The following ZNF366 variants were observed in gnomAD, a reference collection of about 807,000 sequenced individuals.
The protein encoded by ZNF366 is zinc finger protein 366.
ZNF366 carries 20 observed loss-of-function variants against 47.2 expected under a neutral mutation model. That is an observed-to-expected ratio of 0.42 (90% CI 0.30 to 0.62). The LOEUF (loss-of-function observed/expected upper bound fraction) is 0.62, where lower values mean the gene tolerates loss of function less well. Ranked by LOEUF, ZNF366 falls within the 20% of genes least tolerant of loss-of-function variation. The pLI, the probability that ZNF366 is intolerant of heterozygous loss-of-function variation, is 0.16. For missense variants in ZNF366, 987 were observed against 976.3 expected, an observed-to-expected ratio of 1.01 and a Z score of -0.15; for synonymous variants, 421 against 395.1, an observed-to-expected ratio of 1.07 and a Z score of -0.78.
chr5:72,485,993 G>A (rs1477321758), intron 1 of ZNF366, among the ~76,000 whole-genome samples: 2 of 152,104 alleles, frequency 1.3e-5, no homozygotes, highest in Non-Finnish European at 2.9e-5. Context: ...CTGAAGTGAG[G>A]CCACCCGAAC....
intron 1 of ZNF366, among the ~76,000 whole-genome samples, chr5:72,473,735 G>A (rs1336309186): frequency 6.6e-6 from 1 of 152,122 alleles, no homozygotes; most frequent in Non-Finnish European, 1.5e-5. Flanking sequence ...TGATCCCCGG[G>A]TTAAATGTAT....
At chr5:72,497,847 T>C (rs1744143121) in intron 1 of ZNF366, among the ~76,000 whole-genome samples, 1 of 152,216 alleles carries the variant, frequency 6.6e-6, no homozygotes, top group African/African-American at 2.4e-5. Flanking sequence ...CTGCTTCTTA[T>C]TATGAATTAA....
chr5:72,491,285 C>G (rs144419071), intron 1 of ZNF366, among the ~76,000 whole-genome samples: 1 of 152,190 alleles, frequency 6.6e-6, no homozygotes, highest in African/African-American at 2.4e-5. Context: ...ACCTGGCACA[C>G]AGTTTTGTCC....
At chr5:72,505,810 G>A (rs908833466) in intron 1 of ZNF366, among the ~76,000 whole-genome samples, 17 of 152,230 alleles carry the variant, frequency 1.1e-4, no homozygotes, top group African/African-American at 7.2e-5. Flanking sequence ...TGGAAATGGA[G>A]TAGTTAGGGG....
At chr5:72,482,347 T>G (rs934843361) in intron 1 of ZNF366, among the ~76,000 whole-genome samples, 1 of 152,082 alleles carries the variant, frequency 6.6e-6, no homozygotes, top group Non-Finnish European at 1.5e-5. Flanking sequence ...AAGGGGAAGT[T>G]TAGTAAGAAG....
intron 1 of ZNF366, among the ~76,000 whole-genome samples, chr5:72,484,832 C>T (rs1261915945): frequency 6.6e-6 from 1 of 152,190 alleles, no homozygotes; most frequent in Admixed American, 6.5e-5. Context: ...CTGATGTCCC[C>T]AAATGCACAC....
At chr5:72,492,989 A>C (rs930356605) in intron 1 of ZNF366, among the ~76,000 whole-genome samples, 1 of 152,256 alleles carries the variant, frequency 6.6e-6, no homozygotes, top group African/African-American at 2.4e-5. Context: ...GAAAATATAG[A>C]AACATCATCA....
At chr5:72,490,669 C>T (rs933211586) in intron 1 of ZNF366, among the ~76,000 whole-genome samples, 2 of 152,162 alleles carry the variant, frequency 1.3e-5, no homozygotes, top group Admixed American at 6.5e-5. Flanking sequence ...GTCTATTTTT[C>T]GTCATGCCAG....
chr5:72,500,012 A>C (rs931382645), intron 1 of ZNF366, among the ~76,000 whole-genome samples: 1 of 152,144 alleles, frequency 6.6e-6, no homozygotes, highest in Non-Finnish European at 1.5e-5. Context: ...GAGAACGGTG[A>C]GTCCCCAGTG....
chr5:72,489,247 C>A (rs150495270), intron 1 of ZNF366, among the ~76,000 whole-genome samples: 1 of 152,176 alleles, frequency 6.6e-6, no homozygotes, highest in East Asian at 1.9e-4. Flanking sequence ...AAATAGTCCA[C>A]AATTTCATAT....
chr5:72,444,573 A>C (rs1742924031), intron 4 of ZNF366, among the ~76,000 whole-genome samples: 1 of 152,084 alleles, frequency 6.6e-6, no homozygotes, highest in Non-Finnish European at 1.5e-5. Context: ...ATAGGCAGGC[A>C]GGTGCACAAA....
At chr5:72,450,845 A>C (rs2112318888) in intron 3 of ZNF366, among the ~76,000 whole-genome samples, 1 of 152,282 alleles carries the variant, frequency 6.6e-6, no homozygotes, top group South Asian at 2.1e-4. Context: ...CAAGAGAGAA[A>C]CCTCTCACAC....
intron 1 of ZNF366, among the ~76,000 whole-genome samples, chr5:72,466,192 G>A (rs1345335397): frequency 1.3e-5 from 2 of 151,976 alleles, no homozygotes; most frequent in Admixed American, 6.5e-5. Flanking sequence ...GGTGAACCAC[G>A]CTCAAAAAGG....
At chr5:72,504,265 A>G (rs1454401747) in intron 1 of ZNF366, among the ~76,000 whole-genome samples, 1 of 152,004 alleles carries the variant, frequency 6.6e-6, no homozygotes, top group Non-Finnish European at 1.5e-5. Flanking sequence ...TCTTTAGCTG[A>G]GTCATGGTAC....
intron 1 of ZNF366, among the ~76,000 whole-genome samples, chr5:72,469,664 A>C (rs996517101): frequency 6.6e-6 from 1 of 152,224 alleles, no homozygotes; most frequent in Non-Finnish European, 1.5e-5. Context: ...GGGATGATGC[A>C]TTAAGTTATC....
intron 3 of ZNF366, among the ~76,000 whole-genome samples, chr5:72,455,801 G>A (rs1179390255): frequency 6.6e-6 from 1 of 152,220 alleles, no homozygotes; most frequent in South Asian, 2.1e-4. Context: ...GGCACTTGAA[G>A]TGACTGTGCT....
chr5:72,470,772 C>T (rs901447223), intron 1 of ZNF366, among the ~76,000 whole-genome samples: 5 of 152,164 alleles, frequency 3.3e-5, no homozygotes, highest in African/African-American at 9.7e-5. Context: ...GCCAACCTCG[C>T]GTAAATTAAC....
chr5:72,443,905 TG>T lies in ZNF366; in HGVS notation c.2085del (p.Arg696GlufsTer32). ...GCCCTGAGACTGAGACACTCATCTC[TG>T]CCGGCACAGTCTCTCTCCTGGCCGC... Reference protein sequence around the residue: ...AEGGQERDCAGRDECLSLRAF... With the variant: ...AEGGQERDCAXRDECLSLRAF... On this transcript the variant is annotated frameshift_variant, in exon 5 of 5. Transcript: ENST00000318442. LOFTEE classifies it high-confidence loss of function. 1 of 1,614,230 alleles carries T rather than the reference TG, an allele frequency of 6.2e-7. No homozygotes were observed. Among genetic ancestry groups the T allele is most frequent in the Non-Finnish European group, 8.5e-7 (1 of 1,180,040 alleles).
intron 1 of ZNF366, among the ~76,000 whole-genome samples, chr5:72,490,308 C>G (rs765457537): frequency 6.6e-6 from 1 of 152,080 alleles, no homozygotes; most frequent in Non-Finnish European, 1.5e-5. Context: ...TAGAAAACCA[C>G]GTCTTTTGAG....
Sources: gnomAD v4.1 joint callset for allele counts (sites outside exome capture counted in the v4.1 genomes callset) on GRCh38, gnomAD v4.1.1 for gene constraint, MANE v1.5 for transcripts, NCBI Gene and HGNC (gene_info 2026-07-23, HGNC 2026-07-21) for gene names.